The following IMMP2L variants were observed in gnomAD, a reference collection of about 807,000 sequenced individuals.
IMMP2L encodes the protein mitochondrial inner membrane protease subunit 2.
IMMP2L carries 18 observed loss-of-function variants against 19.3 expected under a neutral mutation model. That is an observed-to-expected ratio of 0.93 (90% confidence interval 0.64 to 1.38). The LOEUF (loss-of-function observed/expected upper bound fraction) is 1.38. IMMP2L is among the 40% of genes most tolerant of loss of function. The pLI is 0.00. For synonymous variants in IMMP2L, 76 were observed against 73.0 expected (o/e 1.04, Z -0.21); for missense variants, 233 against 218.2 (o/e 1.07, Z -0.43).
At chr7:110,681,724 G>C (rs1318993993) in intron 5 of IMMP2L, among the ~76,000 whole-genome samples, 1 of 152,126 alleles carries the variant, frequency 6.6e-6, no homozygotes, top group Non-Finnish European at 1.5e-5. Flanking sequence ...GCCTTAAAAG[G>C]CTTATAATTC....
intron 5 of IMMP2L, among the ~76,000 whole-genome samples, chr7:110,744,170 C>G (rs1354995192): frequency 6.6e-6 from 1 of 152,164 alleles, no homozygotes; most frequent in Admixed American, 6.5e-5. Context: ...GAGCCCACCC[C>G]AGCTCAGAAA....
chr7:111,353,379 G>C (rs1828382135), intron 3 of IMMP2L, among the ~76,000 whole-genome samples: 1 of 152,150 alleles, frequency 6.6e-6, no homozygotes, highest in South Asian at 2.1e-4. Flanking sequence ...TTAATAATGT[G>C]ATGAGATCAT....
At chr7:111,287,273 C>G (rs943033499) in intron 3 of IMMP2L, among the ~76,000 whole-genome samples, 2 of 152,058 alleles carry the variant, frequency 1.3e-5, no homozygotes, top group African/African-American at 4.8e-5. Context: ...GTGTGCCAAG[C>G]CATTACGATA....
At chr7:111,533,378 C>G (rs1233630000) in intron 1 of IMMP2L, among the ~76,000 whole-genome samples, 1 of 152,148 alleles carries the variant, frequency 6.6e-6, no homozygotes, top group African/African-American at 2.4e-5. Flanking sequence ...GAGTTGAAAT[C>G]TTAACTTCAA....
chr7:110,788,215 G>A (rs1206596217), intron 5 of IMMP2L, among the ~76,000 whole-genome samples: 2 of 151,984 alleles, frequency 1.3e-5, no homozygotes, highest in Non-Finnish European at 2.9e-5. Flanking sequence ...CACACTCAAA[G>A]TTTTATTTTC....
rs374371291 is a variant in IMMP2L at position 111,540,119 on chromosome 7, GT to G, written c.-2-18671del. 5.6e-4 allele frequency among the ~76,000 whole-genome samples: 85 copies of G among 152,192 alleles called. 2 individuals are homozygous for G. Among genetic ancestry groups the G allele is most frequent in the African/African-American group, 1.9e-3 (79 of 41,526 alleles). On this transcript the variant is annotated intron_variant, in intron 1 of 5. Transcript: ENST00000405709. ...AACAAATACCCACCTCATTTTAATA[GT>G]TTCTTAGTAGAAAGATTACCTTAAA...
At chr7:110,854,764 T>G (rs540048822) in intron 5 of IMMP2L, among the ~76,000 whole-genome samples, 1 of 152,016 alleles carries the variant, frequency 6.6e-6, no homozygotes, top group Admixed American at 6.6e-5. Flanking sequence ...TGAAATAAAA[T>G]AGTTTGCTTG....
At chr7:111,506,864 CAG>C (rs1473545924) in intron 2 of IMMP2L, among the ~76,000 whole-genome samples, 1 of 152,084 alleles carries the variant, frequency 6.6e-6, no homozygotes, top group Non-Finnish European at 1.5e-5. Context: ...TTGTTTGAGA[CAG>C]AGTCTCACGG....
intron 5 of IMMP2L, among the ~76,000 whole-genome samples, chr7:110,720,655 A>G (rs1795509821): frequency 6.6e-6 from 1 of 152,160 alleles, no homozygotes; most frequent in Non-Finnish European, 1.5e-5. Context: ...GGAATATGAT[A>G]CTGGCTGGGG....
intron 3 of IMMP2L, among the ~76,000 whole-genome samples, chr7:111,268,738 C>A (rs1390275611): frequency 2.0e-5 from 3 of 151,112 alleles, no homozygotes; most frequent in Non-Finnish European, 4.4e-5. Context: ...GGACCACAGG[C>A]GAGCACCACC....
chr7:111,112,057 C>T (rs930745105), intron 3 of IMMP2L, among the ~76,000 whole-genome samples: 1 of 147,370 alleles, frequency 6.8e-6, no homozygotes, highest in Non-Finnish European at 1.5e-5. Context: ...CGGTGATTCT[C>T]CTGTCTCAGC....
intron 3 of IMMP2L, among the ~76,000 whole-genome samples, chr7:110,999,272 G>A (rs1823373014): frequency 2.0e-5 from 3 of 150,580 alleles, no homozygotes; most frequent in African/African-American, 4.9e-5. Flanking sequence ...GTCTGGAAAT[G>A]GTCTGCTACT....
In IMMP2L at chr7:111,224,512, T is replaced by G. The variant is rs572129361; in HGVS notation, c.240-260947A>C. Among the ~76,000 whole-genome samples the G allele has an allele frequency of 8.5e-5, 13 of 152,154 alleles. No homozygotes were observed. In the East Asian group the frequency reaches 2.5e-3, roughly 29 times the overall value. ...ATACCATCTTCCAAAATTACTCAAG[T>G]AGTAAACTAAATGATGATTGCAATT... is the stretch of plus-strand genomic sequence containing the variant. On this transcript the variant is annotated intron_variant, in intron 3 of 5. Transcript: ENST00000405709.
intron 3 of IMMP2L, among the ~76,000 whole-genome samples, chr7:111,011,078 G>A (rs990724478): frequency 6.6e-6 from 1 of 152,086 alleles, no homozygotes; most frequent in Non-Finnish European, 1.5e-5. Flanking sequence ...GCAAAGGGCT[G>A]TAGAAGTGAG....
chr7:111,257,653 G>C (rs1222929594), intron 3 of IMMP2L, among the ~76,000 whole-genome samples: 1 of 152,050 alleles, frequency 6.6e-6, no homozygotes, highest in Admixed American at 6.6e-5. Context: ...TTGCCCTACT[G>C]ATTCGTTTCT....
intron 5 of IMMP2L, among the ~76,000 whole-genome samples, chr7:110,745,759 C>T (rs1455539522): frequency 2.0e-5 from 3 of 152,154 alleles, no homozygotes; most frequent in South Asian, 4.1e-4. Context: ...AAGCACTAAA[C>T]ATGGAAAGGA....
chr7:110,875,143 A>G (rs1808939693), intron 5 of IMMP2L, among the ~76,000 whole-genome samples: 1 of 152,188 alleles, frequency 6.6e-6, no homozygotes, highest in Non-Finnish European at 1.5e-5. Flanking sequence ...CGGTTTAACC[A>G]GTAATGCCCA....
At chr7:110,730,524 T>G (rs1796191828) in intron 5 of IMMP2L, among the ~76,000 whole-genome samples, 1 of 151,908 alleles carries the variant, frequency 6.6e-6, no homozygotes, top group Non-Finnish European at 1.5e-5. Flanking sequence ...TTCTTTCCTT[T>G]TCTTTTTCTT....
rs1052542874 is a variant in IMMP2L at position 110,758,266 on chromosome 7, G to A, written c.409-94545C>T. Among the ~76,000 whole-genome samples, 4 of 152,006 alleles carry A rather than the reference G, an allele frequency of 2.6e-5. No individual in the cohort carries two copies. Among genetic ancestry groups the A allele is most frequent in the Non-Finnish European group, 5.9e-5 (4 of 68,006 alleles). Reference sequence around the variant, plus strand: ...CTGACTGGAGTGGACTTAAGAGAATGGGAGGAGAAAAAACACCAGTTGTGA... The same window carrying A: ...CTGACTGGAGTGGACTTAAGAGAATAGGAGGAGAAAAAACACCAGTTGTGA... On this transcript the variant is annotated intron_variant, in intron 5 of 5. Transcript: ENST00000405709. This position sits in a 1 kb window ranked among gnomAD's most constrained non-coding sequence, Gnocchi z 4.6.
Sources: allele counts gnomAD v4.1 joint callset (sites outside exome capture counted in the v4.1 genomes callset), GRCh38; gene constraint gnomAD v4.1.1; non-coding constraint Gnocchi (gnomAD v3.1); transcripts MANE v1.5; gene names NCBI Gene and HGNC (gene_info 2026-07-23, HGNC 2026-07-21).